RUNX1T1: variants seen among roughly 807,000 people sequenced by gnomAD.
RUNX1T1 encodes the protein RUNX1 partner transcriptional co-repressor 1.
In RUNX1T1, 4 loss-of-function variants were observed where a neutral mutation model predicts 62.8. The observed-to-expected ratio is 0.06, with a 90% CI of 0.03 to 0.15. The LOEUF (loss-of-function observed/expected upper bound fraction) is 0.15, where lower values mean the gene tolerates loss of function less well. Among genes scored for constraint, RUNX1T1 ranks in the 10% least tolerant of loss-of-function variants. The pLI is 1.00. For synonymous variants in RUNX1T1, 291 were observed against 286.0 expected (o/e 1.02, Z -0.18); for missense variants, 508 against 754.3 (o/e 0.67, Z 3.82).
At chr8:92,053,467 C>T (rs1429048371) in intron 1 of RUNX1T1, among the ~76,000 whole-genome samples, 1 of 152,044 alleles carries the variant, frequency 6.6e-6, no homozygotes, top group African/African-American at 2.4e-5. Context: ...GTCAAAAGCC[C>T]TTTGTTTCTA....
chr8:92,041,644 A>T (rs1828477956), intron 1 of RUNX1T1, among the ~76,000 whole-genome samples: 1 of 152,112 alleles, frequency 6.6e-6, no homozygotes, highest in African/African-American at 2.4e-5. Context: ...CGGGAGACTG[A>T]GGCAGAAGAA....
intron 1 of RUNX1T1, among the ~76,000 whole-genome samples, chr8:92,095,989 T>C (rs1452502077): frequency 6.6e-6 from 1 of 152,210 alleles, no homozygotes; most frequent in African/African-American, 2.4e-5. Flanking sequence ...ACAAACCTAC[T>C]GAGTCTATAG....
chr8:92,096,871 G>C (rs1342064960), intron 1 of RUNX1T1, among the ~76,000 whole-genome samples: 1 of 152,048 alleles, frequency 6.6e-6, no homozygotes, highest in African/African-American at 2.4e-5. Context: ...TATTTTAAGA[G>C]GCCCTTTAGA....
rs534395869 is a variant in RUNX1T1 at position 91,993,474 on chromosome 8, C to T, written c.660-1585G>A. Among the ~76,000 whole-genome samples, 175 of 151,868 alleles carry T rather than the reference C, an allele frequency of 1.2e-3. 2 individuals are homozygous for T. The highest frequency in any genetic ancestry group is 2.7e-4 in the Non-Finnish European group (18 of 67,920). On this transcript the variant is annotated intron_variant, in intron 5 of 10. Transcript: ENST00000396218. ...CTAAGAAGGATGCACTATTATGGAG[C>T]GGGCAGGGGACCCTTAGGACTCAGC...
chr8:92,082,422 G>C (rs1260080115), intron 1 of RUNX1T1, among the ~76,000 whole-genome samples: 1 of 151,974 alleles, frequency 6.6e-6, no homozygotes, highest in Non-Finnish European at 1.5e-5. Flanking sequence ...ATGTGCACAG[G>C]GTCATCTTGG....
At chr8:92,071,902 T>C (rs1833742648) in intron 2 of RUNX1T1, among the ~76,000 whole-genome samples, 3 of 152,156 alleles carry the variant, frequency 2.0e-5, no homozygotes, top group African/African-American at 7.2e-5. Context: ...CTTCTCCACC[T>C]CTTCCTAAAG....
chr8:92,029,638 A>G (rs761768185), intron 1 of RUNX1T1, among the ~76,000 whole-genome samples: 3 of 152,118 alleles, frequency 2.0e-5, no homozygotes, highest in Non-Finnish European at 4.4e-5. Flanking sequence ...CACACTTGCC[A>G]CTATCAAATT....
At chr8:92,056,228 C>A (rs918501956) in intron 1 of RUNX1T1, among the ~76,000 whole-genome samples, 1 of 152,086 alleles carries the variant, frequency 6.6e-6, no homozygotes, top group Non-Finnish European at 1.5e-5. Flanking sequence ...AAAGTTAGCA[C>A]CCCCATCAAA....
At chr8:92,097,391 AG>A in intron 1 of RUNX1T1, among the ~76,000 whole-genome samples, 1 of 152,300 alleles carries the variant, frequency 6.6e-6, no homozygotes, top group East Asian at 1.9e-4. Flanking sequence ...CTCTCATAAA[AG>A]GTCACCTTTC....
At chr8:92,017,834 T>A (rs970297183) in intron 1 of RUNX1T1, among the ~76,000 whole-genome samples, 1 of 152,224 alleles carries the variant, frequency 6.6e-6, no homozygotes, top group African/African-American at 2.4e-5. Flanking sequence ...CCCTGTGCTG[T>A]CCTTAGTTTT....
upstream of RUNX1T1, among the ~76,000 whole-genome samples, chr8:92,065,168 G>T (rs890107446): frequency 6.6e-6 from 1 of 151,984 alleles, no homozygotes; most frequent in African/African-American, 2.4e-5. Context: ...ATAACTTTTC[G>T]TTCATAAAAA....
At chr8:91,960,678 G>GC (rs1810241897) in intron 10 of RUNX1T1, among the ~76,000 whole-genome samples, 161 bp from the exon 12 acceptor site, 1 of 152,202 alleles carries the variant, frequency 6.6e-6, no homozygotes, top group Non-Finnish European at 1.5e-5. Flanking sequence ...ACTAAACACA[G>GC]AAGATGCAGG....
At chr8:92,041,232 GGC>G (rs1563826438) in intron 1 of RUNX1T1, among the ~76,000 whole-genome samples, 2 of 151,836 alleles carry the variant, frequency 1.3e-5, no homozygotes, top group African/African-American at 4.8e-5. Flanking sequence ...AAAGCCAAGG[GGC>G]ATGCATGATT....
intron 1 of RUNX1T1, among the ~76,000 whole-genome samples, chr8:92,038,046 C>CATTTA (rs1554632478): frequency 1.3e-5 from 2 of 149,984 alleles, no homozygotes; most frequent in African/African-American, 2.5e-5. Flanking sequence ...CAAAATTCTT[C>CATTTA]TTTATTTATT....
chr8:92,092,859 T>A (rs1563943793), intron 1 of RUNX1T1, among the ~76,000 whole-genome samples: 2 of 152,140 alleles, frequency 1.3e-5, no homozygotes, highest in Admixed American at 1.3e-4. Context: ...ATTTTTTTTT[T>A]ATTTTTTTGT....
At chr8:92,057,153 T>C (rs1831171428) in intron 1 of RUNX1T1, among the ~76,000 whole-genome samples, 1 of 152,232 alleles carries the variant, frequency 6.6e-6, no homozygotes, top group Admixed American at 6.5e-5. Context: ...TTCTTGATGA[T>C]GAAGGCTAAT....
At chr8:91,991,247 A>G (rs888406257) in intron 6 of RUNX1T1, among the ~76,000 whole-genome samples, 6 of 152,228 alleles carry the variant, frequency 3.9e-5, no homozygotes, top group Non-Finnish European at 8.8e-5. Context: ...AACAAAAGAT[A>G]CAACACAAGA....
At chr8:92,025,268 T>TA (rs1458113822) in intron 1 of RUNX1T1, among the ~76,000 whole-genome samples, 1 of 152,226 alleles carries the variant, frequency 6.6e-6, no homozygotes, top group Non-Finnish European at 1.5e-5. Flanking sequence ...TTGTAATCTT[T>TA]AAACATCTCT....
intron 1 of RUNX1T1, among the ~76,000 whole-genome samples, chr8:92,041,979 C>T (rs1828558813): frequency 6.6e-6 from 1 of 151,842 alleles, no homozygotes; most frequent in African/African-American, 2.4e-5. Flanking sequence ...CCACCATACA[C>T]AGCTAATTTT....
Sources: gnomAD v4.1 joint callset for allele counts (sites outside exome capture counted in the v4.1 genomes callset) on GRCh38, gnomAD v4.1.1 for gene constraint, MANE v1.5 for transcripts, NCBI Gene and HGNC (gene_info 2026-07-23, HGNC 2026-07-21) for gene names.